Variants in SPMIP2 observed in about 807,000 individuals in gnomAD.
The protein encoded by SPMIP2 is protein SPMIP2.
At chr4:159,051,937 C>G in the SPMIP2 span, among the ~76,000 whole-genome samples, 7 of 152,214 alleles carry the variant, frequency 4.6e-5, no homozygotes, top group African/African-American at 1.4e-4. Flanking sequence ...GGCATCTCCC[C>G]CTCCTTCCTT....
the SPMIP2 span, among the ~76,000 whole-genome samples, chr4:159,052,299 A>G: frequency 6.6e-6 from 1 of 152,130 alleles, no homozygotes; most frequent in East Asian, 1.9e-4. Context: ...GAAGACCTGG[A>G]CCTACATTCC....
chr4:159,082,124 C>G, the SPMIP2 span, among the ~76,000 whole-genome samples: 3 of 150,456 alleles, frequency 2.0e-5, no homozygotes, highest in Middle Eastern at 0.01. Flanking sequence ...TTGAGACCAG[C>G]CCGGCCAATA....
the SPMIP2 span, among the ~76,000 whole-genome samples, chr4:158,943,000 GC>G: frequency 2.0e-5 from 3 of 152,164 alleles, no homozygotes; most frequent in Admixed American, 2.0e-4. Flanking sequence ...CATTAGTGAT[GC>G]TGTTTGAAAA....
chr4:158,973,477 ATAAT>A, the SPMIP2 span, among the ~76,000 whole-genome samples: 17 of 152,318 alleles, frequency 1.1e-4, no homozygotes, highest in South Asian at 1.2e-3. Context: ...ATACTTATTT[ATAAT>A]TAATAATTCT....
chr4:158,898,459 C>G, the SPMIP2 span, among the ~76,000 whole-genome samples: 1 of 152,156 alleles, frequency 6.6e-6, no homozygotes, highest in Non-Finnish European at 1.5e-5. Flanking sequence ...ATTGATTCTT[C>G]CTATCCATGA....
chr4:158,964,777 G>A, the SPMIP2 span, among the ~76,000 whole-genome samples: 1 of 152,166 alleles, frequency 6.6e-6, no homozygotes, highest in East Asian at 1.9e-4. Context: ...GAGGCCTCAG[G>A]AAACTTACAA....
the SPMIP2 span, among the ~76,000 whole-genome samples, chr4:158,944,108 C>A: frequency 5.3e-5 from 8 of 152,012 alleles, no homozygotes; most frequent in Non-Finnish European, 1.0e-4. Context: ...ACCACCTTGG[C>A]CTCCCAAAGT....
chr4:158,935,412 G>A, the SPMIP2 span, among the ~76,000 whole-genome samples: 4 of 152,148 alleles, frequency 2.6e-5, no homozygotes, highest in African/African-American at 9.7e-5. Context: ...TCATACCCAC[G>A]ACACTTGGGG....
the SPMIP2 span, among the ~76,000 whole-genome samples, chr4:159,078,453 G>T: frequency 6.6e-6 from 1 of 152,330 alleles, no homozygotes; most frequent in South Asian, 2.1e-4. Flanking sequence ...AGGGCAAATA[G>T]TGCCCCAGTG....
the SPMIP2 span, among the ~76,000 whole-genome samples, chr4:159,068,950 C>A: frequency 1.3e-5 from 2 of 152,148 alleles, no homozygotes; most frequent in Non-Finnish European, 2.9e-5. Context: ...TCTCTGAGCA[C>A]ATCTTTCATC....
chr4:158,904,864 T>C, the SPMIP2 span: 1 of 270,372 alleles, frequency 3.7e-6, no homozygotes, highest in South Asian at 5.9e-5. Context: ...CTTGTGCTGT[T>C]TGGGCAGAAT....
the SPMIP2 span, chr4:159,034,889 T>TC: frequency 1.6e-6 from 1 of 630,060 alleles, no homozygotes; most frequent in Non-Finnish European, 2.7e-6. Context: ...AGACTCTGTC[T>TC]CAAAAAAAAA....
the SPMIP2 span, among the ~76,000 whole-genome samples, chr4:158,987,421 G>C: frequency 6.6e-6 from 1 of 152,026 alleles, no homozygotes; most frequent in Non-Finnish European, 1.5e-5. Context: ...AGAATATGTG[G>C]CACATATACA....
At chr4:158,979,525 C>T in the SPMIP2 span, among the ~76,000 whole-genome samples, 18 of 152,300 alleles carry the variant, frequency 1.2e-4, no homozygotes, top group Middle Eastern at 3.4e-3. Context: ...CTGAGGTACC[C>T]GGCTCATCTC....
the SPMIP2 span, among the ~76,000 whole-genome samples, chr4:159,079,451 C>T: frequency 6.6e-6 from 1 of 152,174 alleles, no homozygotes; most frequent in Non-Finnish European, 1.5e-5. Context: ...TTCTAGCTTC[C>T]AGAACTGCGA....
chr4:158,906,829 T>A, the SPMIP2 span: 1 of 151,806 alleles, frequency 6.6e-6, no homozygotes, highest in Non-Finnish European at 1.5e-5. Context: ...CTCACAGAAT[T>A]GTGTTGAGAT....
the SPMIP2 span, among the ~76,000 whole-genome samples, chr4:158,987,326 T>C: frequency 1.3e-5 from 2 of 152,166 alleles, no homozygotes; most frequent in Non-Finnish European, 2.9e-5. Context: ...TAAAGACACA[T>C]GCACACATAT....
the SPMIP2 span, among the ~76,000 whole-genome samples, chr4:159,056,852 C>G: frequency 3.9e-5 from 6 of 152,222 alleles, no homozygotes; most frequent in Non-Finnish European, 4.4e-5. Context: ...AAGGAATTCA[C>G]ATGAAGTAGG....
the SPMIP2 span, among the ~76,000 whole-genome samples, chr4:158,903,170 G>A: frequency 6.6e-6 from 1 of 152,196 alleles, no homozygotes; most frequent in African/African-American, 2.4e-5. Context: ...TGGGAAAAGT[G>A]CAGTATCCAG....
Sources: gnomAD v4.1 joint callset for allele counts (sites outside exome capture counted in the v4.1 genomes callset) on GRCh38, gnomAD v4.1.1 for gene constraint, MANE v1.5 for transcripts, NCBI Gene and HGNC (gene_info 2026-07-23, HGNC 2026-07-21) for gene names.